Variants in PHF21A observed in about 807,000 individuals in gnomAD.
The protein encoded by PHF21A is PHD finger protein 21A.
Under a neutral mutation model 82.5 loss-of-function variants are expected in PHF21A, and 11 were observed. That is an observed-to-expected ratio of 0.13 (90% confidence interval 0.08 to 0.22). PHF21A has a LOEUF of 0.22. Ranked by LOEUF, PHF21A falls within the 10% of genes least tolerant of loss-of-function variation. The pLI, the probability that PHF21A is intolerant of heterozygous loss-of-function variation, is 1.00. For synonymous variants in PHF21A, 297 were observed against 302.8 expected (o/e 0.98, Z 0.20); for missense variants, 579 against 837.8 (o/e 0.69, Z 3.81).
Position 45,990,250 on chromosome 11 carries a change from C to CTT in PHF21A, c.154-10286_154-10285dup, listed in dbSNP as rs201187984. On this transcript the variant is annotated intron_variant, in intron 6 of 18. Transcript: ENST00000676320. The stretch of plus-strand genomic sequence containing the variant: ...AAATCATTTATAGCATTTTCATCTT[C>CTT]TTTTTTTTTTTTTTTTTTTTTTTTT... Among the ~76,000 whole-genome samples, 188 of 56,276 alleles carry CTT rather than the reference C, an allele frequency of 3.3e-3. 18 individuals carry two copies. The highest frequency in any genetic ancestry group is 7.2e-3 in the Non-Finnish European group (151 of 20,868). 36.9% of individuals were successfully genotyped at this position (56,276 alleles called of 152,430 possible).
At chr11:46,026,499 G>A (rs1413594087) in intron 6 of PHF21A, among the ~76,000 whole-genome samples, 2 of 152,082 alleles carry the variant, frequency 1.3e-5, no homozygotes, top group African/African-American at 4.8e-5. Context: ...CTAAGGGAGA[G>A]CATTGAGACT....
intron 1 of PHF21A, chr11:46,116,750 G>A (rs2097294618): frequency 6.6e-6 from 1 of 152,152 alleles, no homozygotes; most frequent in Non-Finnish European, 1.5e-5. Context: ...GATCACCTGA[G>A]TCAGGAGTTC....
intron 6 of PHF21A, among the ~76,000 whole-genome samples, chr11:46,002,784 G>A (rs2095179041): frequency 6.6e-6 from 1 of 151,676 alleles, no homozygotes; most frequent in South Asian, 2.1e-4. Flanking sequence ...CACAGAACTA[G>A]TTTTATCTTT....
intron 6 of PHF21A, among the ~76,000 whole-genome samples, chr11:46,025,595 T>C (rs1401201063): frequency 6.6e-6 from 1 of 152,240 alleles, no homozygotes; most frequent in Non-Finnish European, 1.5e-5. Context: ...TATGCTCTTA[T>C]AATCTCATTT....
rs765942961 is a variant in PHF21A, at chr11:45,953,593, T to C, written c.1029A>G (p.Lys343=). 4.5e-5 allele frequency: 73 copies of C among 1,613,800 alleles called. No homozygotes were observed. Among genetic ancestry groups the C allele is most frequent in the Non-Finnish European group, 5.4e-5 (64 of 1,179,818 alleles). ...GGGTGATGGTGCGGCTCTCTGTTTG[T>C]TTCTCATCTGTTTCTGTGTGAGATT... ...TVKSHTETDE[K]QTESRTITPP... is the part of the protein sequence containing the mutation. Residue 343 remains lysine (K), a synonymous_variant, in exon 11 of 19, where the codon AAA becomes AAG. Transcript: ENST00000676320.
chr11:46,067,095 C>T (rs1033539523), intron 6 of PHF21A, among the ~76,000 whole-genome samples: 6 of 152,114 alleles, frequency 3.9e-5, no homozygotes, highest in African/African-American at 1.4e-4. Flanking sequence ...GTATTACTTA[C>T]TTATGTATTA....
intron 16 of PHF21A, 120 bp downstream of exon 16, chr11:45,938,037 G>A (rs1004047149): frequency 1.2e-6 from 1 of 820,686 alleles, no homozygotes. Flanking sequence ...CAGGGAAGAT[G>A]CAGCCCGGAG....
intron 6 of PHF21A, among the ~76,000 whole-genome samples, chr11:46,028,692 G>A (rs1355890535): frequency 6.6e-6 from 1 of 150,694 alleles, no homozygotes; most frequent in Non-Finnish European, 1.5e-5. Context: ...TCCTGCCTCA[G>A]CCTCCTGAGT....
At chr11:46,073,143 A>G (rs998350961) in intron 6 of PHF21A, among the ~76,000 whole-genome samples, 1 of 152,102 alleles carries the variant, frequency 6.6e-6, no homozygotes, top group Admixed American at 6.6e-5. Flanking sequence ...CCTGGCTAAC[A>G]TGATGAAACC....
At chr11:46,010,123 A>G (rs2095382488) in intron 6 of PHF21A, among the ~76,000 whole-genome samples, 1 of 152,226 alleles carries the variant, frequency 6.6e-6, no homozygotes, top group Non-Finnish European at 1.5e-5. Flanking sequence ...TACTGCAGGA[A>G]TGAGAACAAT....
intron 6 of PHF21A, among the ~76,000 whole-genome samples, chr11:46,029,634 G>C (rs1592203817): frequency 1.3e-5 from 2 of 148,610 alleles, no homozygotes; most frequent in East Asian, 3.9e-4. Context: ...GTTGCGGTGA[G>C]CCAAGATCGT....
At chr11:46,021,728 T>C (rs2095636244) in intron 6 of PHF21A, among the ~76,000 whole-genome samples, 1 of 152,102 alleles carries the variant, frequency 6.6e-6, no homozygotes. Flanking sequence ...TATTTTATTT[T>C]TTTGTAGAGA....
At chr11:46,053,901 C>T (rs530256720) in intron 6 of PHF21A, among the ~76,000 whole-genome samples, 1 of 152,268 alleles carries the variant, frequency 6.6e-6, no homozygotes, top group African/African-American at 2.4e-5. Flanking sequence ...ATGATTACAA[C>T]CCCTCCAATG....
At chr11:46,029,557 G>T (rs1198031626) in intron 6 of PHF21A, among the ~76,000 whole-genome samples, 1 of 151,768 alleles carries the variant, frequency 6.6e-6, no homozygotes, top group Non-Finnish European at 1.5e-5. Flanking sequence ...GCGTGGTAGC[G>T]CATGTCTGTA....
At chr11:45,972,929 T>C (rs1456065320) in intron 7 of PHF21A, among the ~76,000 whole-genome samples, 2 of 150,502 alleles carry the variant, frequency 1.3e-5, no homozygotes, top group African/African-American at 2.4e-5. Context: ...AAAAAAAAAA[T>C]TAGCCAGGTG....
chr11:46,103,894 G>T (rs2097125935), intron 1 of PHF21A, among the ~76,000 whole-genome samples: 1 of 152,124 alleles, frequency 6.6e-6, no homozygotes, highest in Admixed American at 6.5e-5. Flanking sequence ...ACATTCGTAA[G>T]ACAGATACAT....
At chr11:45,935,308 A>G (rs1565136287) in intron 18 of PHF21A, 1 of 1,241,084 alleles carries the variant, frequency 8.1e-7, no homozygotes, top group Admixed American at 2.2e-5. Flanking sequence ...GAGGCGCTAC[A>G]CTCCCCCCAC....
chr11:45,979,589 C>A (rs886090213), intron 7 of PHF21A, among the ~76,000 whole-genome samples, 171 bp downstream of exon 7: 1 of 152,158 alleles, frequency 6.6e-6, no homozygotes, highest in Non-Finnish European at 1.5e-5. Context: ...TTCCTTCTGC[C>A]AATGATTACA....
intron 6 of PHF21A, among the ~76,000 whole-genome samples, chr11:46,021,444 T>C (rs893601659): frequency 6.6e-6 from 1 of 152,146 alleles, no homozygotes; most frequent in African/African-American, 2.4e-5. Context: ...ATTGTCAATC[T>C]AGAAACAGTA....
Sources: gnomAD v4.1 joint callset for allele counts (sites outside exome capture counted in the v4.1 genomes callset) on GRCh38, gnomAD v4.1.1 for gene constraint, MANE v1.5 for transcripts, NCBI Gene and HGNC (gene_info 2026-07-23, HGNC 2026-07-21) for gene names.